The following OPLAH variants were observed in gnomAD, a reference collection of about 807,000 sequenced individuals.
OPLAH encodes 5-oxoprolinase, ATP-hydrolysing, also known as 5-oxoprolinase.
Under a neutral mutation model 122.8 loss-of-function variants are expected in OPLAH, and 103 were observed. The ratio of observed to expected loss-of-function variants is 0.84; its 90% CI spans 0.71 to 0.99. The LOEUF is 0.99. Ranked by LOEUF, OPLAH falls within the 50% of genes least tolerant of loss-of-function variation. The pLI, the probability that OPLAH is intolerant of heterozygous loss-of-function variation, is 0.00. For missense variants in OPLAH, 1,902 were observed against 1,836.5 expected, an observed-to-expected ratio of 1.04 and a Z score of -0.65; for synonymous variants, 875 against 796.0, an observed-to-expected ratio of 1.10 and a Z score of -1.67.
intron 21 of OPLAH, 35 bp from the exon 22 acceptor site, chr8:144,052,935 G>C (rs781963855): frequency 1.0e-5 from 16 of 1,568,656 alleles, no homozygotes; most frequent in Middle Eastern, 1.7e-4. Context: ...GGCTGTCAGC[G>C]GCCGCACCGT....
At position 144,058,321 on chromosome 8, in the gene OPLAH, G is replaced by A; in HGVS notation, c.867C>T (p.Gly289=). 2 of 1,602,444 alleles carry A rather than the reference G, an allele frequency of 1.2e-6. No homozygotes were observed. Among genetic ancestry groups the A allele is most frequent in the Non-Finnish European group, 1.7e-6 (2 of 1,176,596 alleles). The part of the protein sequence containing the change: ...TFSGSSAVLS[G]PAGGVVGYSA... Reference sequence around the variant, plus strand: ...AGTAGCCCACCACGCCGCCGGCCGGGCCCGAGAGCACAGCACTGGAGCCGC... The same window carrying A: ...AGTAGCCCACCACGCCGCCGGCCGGACCCGAGAGCACAGCACTGGAGCCGC... Residue 289 remains glycine, a synonymous_variant, in exon 7 of 27, where the codon GGC becomes GGT. Coordinates refer to ENST00000618853, the MANE Select transcript of OPLAH (RefSeq NM_017570.5).
Position 144,052,282 on chromosome 8 carries a change from G to A in OPLAH, c.3348C>T (p.Tyr1116=), listed in dbSNP as rs1835400160. 2 of 1,534,950 alleles carry A rather than the reference G, an allele frequency of 1.3e-6. No homozygotes were observed. ...NVTLGNAHMG[Y]YETVAGGAGA... is the part of the protein sequence containing the mutation. ...CCGCGCCGCCCGCCACCGTCTCGTA[G>A]TAGCCCATGTGGGCGTTGCCCAGGG... The change falls in exon 24 of 27, where the codon TAC becomes TAT. Residue 1116 remains tyrosine, a synonymous_variant. Coordinates refer to ENST00000618853, the MANE Select transcript of OPLAH (RefSeq NM_017570.5).
rs782109932 is a variant in OPLAH, at chr8:144,052,938, C to A, written c.3019-38G>T. 1.9e-6 allele frequency: 3 copies of A among 1,570,452 alleles called. No individual in the cohort carries two copies. The South Asian group carries it at 3.5e-5, about 18-fold the overall frequency. On this transcript the variant is annotated intron_variant, in intron 21 of 26. Coordinates refer to ENST00000618853, the MANE Select transcript of OPLAH (RefSeq NM_017570.5). ...AGGGAAGGGAGAGGCTGTCAGCGGC[C>A]GCACCGTGCCCCTGCCGCCTAGAGG...
intron 19 of OPLAH, among the ~76,000 whole-genome samples, chr8:144,053,886 C>G (rs73717803): frequency 0.12 from 17,262 of 144,314 alleles, 3,435 homozygotes; most frequent in African/African-American, 0.42. Context: ...CAGTGCCAGG[C>G]CCTCCACCTC....
Position 144,057,645 on chromosome 8 carries a change from T to G in OPLAH, c.1225A>C (p.Ile409Leu). 2 of 1,605,044 alleles carry G rather than the reference T, an allele frequency of 1.2e-6. No homozygotes were observed. The highest frequency in any genetic ancestry group is 1.7e-6 in the Non-Finnish European group (2 of 1,175,604). Residue 409 changes from isoleucine (I) to leucine (L), a missense_variant, in exon 10 of 27, where the codon ATT (isoleucine) becomes CTT (leucine). This residue lies in a region of OPLAH where 1,726 missense variants were observed against 1,642.1 expected (regional missense o/e 1.05). Coordinates refer to ENST00000618853, the MANE Select transcript of OPLAH (RefSeq NM_017570.5). ...GGTTGGTTCTCTCCCGGCCCAAAAATGCAGGGGAAGGAGGCAGGCAGCAGG... is the reference window on the plus strand; with the variant it reads ...GGTTGGTTCTCTCCCGGCCCAAAAAGGCAGGGGAAGGAGGCAGGCAGCAGG... ...GRLLPASFPC[I>L]FGPGENQPLS...
chr8:144,060,083 A>T lies in OPLAH; in HGVS notation c.-51T>A. 3 of 1,574,474 alleles carry T rather than the reference A, an allele frequency of 1.9e-6. No individual in the cohort carries two copies. The South Asian group carries it at 3.4e-5, about 18-fold the overall frequency. ...AGCTCTTCAGCTGGTAGCCCTGGAA[A>T]AACTGGACGGAGGCGGGGTCAGCCC... is the stretch of plus-strand genomic sequence containing the variant. On this transcript the variant is annotated splice_region_variant and 5_prime_UTR_variant, in exon 2 of 27. Transcript: ENST00000618853.
Position 144,052,912 on chromosome 8 carries a change from G to C in OPLAH, c.3019-12C>G. 2.6e-6 allele frequency: 4 copies of C among 1,560,862 alleles called. No homozygotes were observed. The highest frequency in any genetic ancestry group is 1.4e-5 in the African/African-American group (1 of 73,618). ...AACACGGCGCTGCCCTGCGCGCCCC[G>C]AGGGAAGGGAGAGGCTGTCAGCGGC... On this transcript the variant is annotated splice_polypyrimidine_tract_variant and intron_variant, in intron 21 of 26. Coordinates refer to ENST00000618853, the MANE Select transcript of OPLAH (RefSeq NM_017570.5).
At chr8:144,059,146 G>A in intron 3 of OPLAH, 67 bp from the exon 4 acceptor site, 2 of 1,277,156 alleles carry the variant, frequency 1.6e-6, no homozygotes, top group South Asian at 2.6e-5. Context: ...CTGTGTGAGT[G>A]GGTGGTACAG....
rs2129797327 is a variant in OPLAH, at chr8:144,056,270, T to A, written c.1984-11A>T. On this transcript the variant is annotated splice_polypyrimidine_tract_variant and intron_variant, in intron 14 of 26. Transcript: ENST00000618853. ...GTAGCACTGGGTCATCTGCAGAGGGTGCGGGTGAGTACAGCGCCCGGGCCC... is the reference window on the plus strand; with the variant it reads ...GTAGCACTGGGTCATCTGCAGAGGGAGCGGGTGAGTACAGCGCCCGGGCCC... 1 of 1,607,906 alleles carries A rather than the reference T, an allele frequency of 6.2e-7. No homozygotes were observed. Among genetic ancestry groups the A allele is most frequent in the African/African-American group, 1.3e-5 (1 of 74,840 alleles).
rs1554757926 is a variant in OPLAH, at chr8:144,052,496, C to T, written c.3256G>A (p.Val1086Met). ...AAGGCCCCCAGGATGACATCCACCACGCGCTGCGACGTGAGCACGTTGCCG... is the reference window on the plus strand; with the variant it reads ...AAGGCCCCCAGGATGACATCCACCATGCGCTGCGACGTGAGCACGTTGCCG... The part of the protein sequence containing the change: ...VGGNVLTSQR[V>M]VDVILGAFGA... The change falls in exon 23 of 27, where the codon GTG becomes ATG. Residue 1086 changes from valine (V) to methionine (M), a missense_variant. By Grantham distance (21) the Val-to-Met change is conservative. This residue lies in a region of OPLAH where 1,726 missense variants were observed against 1,642.1 expected (regional missense o/e 1.05). Transcript: ENST00000618853. 2 of 1,568,248 alleles carry T rather than the reference C, an allele frequency of 1.3e-6. No individual in the cohort carries two copies. The highest frequency in any genetic ancestry group is 4.7e-5 in the East Asian group (2 of 42,942).
chr8:144,051,350 A>C lies in OPLAH; in HGVS notation c.3843T>G (p.Tyr1281Ter), dbSNP rs201482072. 1 of 1,611,250 alleles carries C rather than the reference A, an allele frequency of 6.2e-7. No homozygotes were observed. Residue 1281 changes from tyrosine (Y) to a stop codon, truncating the protein, a stop_gained, in exon 27 of 27, where the codon TAT (tyrosine) becomes TAG (stop). Transcript: ENST00000618853. LOFTEE classifies it high-confidence loss of function. ...AFPEHGSVYEYRRAQEAV is the reference protein window; with the variant it reads ...AFPEHGSVYE Reference sequence around the variant, plus strand: ...CTCACACGGCCTCCTGGGCCCGGCGATACTCATAGACGCTGCCGTGCTCGG... The same window carrying C: ...CTCACACGGCCTCCTGGGCCCGGCGCTACTCATAGACGCTGCCGTGCTCGG...
At chr8:144,054,466 A>G (rs1287214985) in intron 19 of OPLAH, 95 bp downstream of exon 19, 1 of 1,333,100 alleles carries the variant, frequency 7.5e-7, no homozygotes, top group African/African-American at 1.5e-5. Context: ...GCCTGGGCCT[A>G]TGGGCTGCAT....
At position 144,058,667 on chromosome 8, in the gene OPLAH, C is replaced by A; in HGVS notation, c.612G>T (p.Val204=). The A allele has an allele frequency of 6.3e-7, 1 of 1,594,720 alleles. No homozygotes were observed. The highest frequency in any genetic ancestry group is 8.5e-7 in the Non-Finnish European group (1 of 1,173,180). Residue 204 remains valine, a synonymous_variant, in exon 6 of 27, where the codon GTG becomes GTT. Coordinates refer to ENST00000618853, the MANE Select transcript of OPLAH (RefSeq NM_017570.5). ...SYTWAQHEQQ[V]GVLARELGFT... ...AGCCCAGCTCCCGGGCCAGCACACC[C>A]ACCTGCTGCTCATGCTGGGCCCACC...
At position 144,055,722 on chromosome 8, in the gene OPLAH, C is replaced by A; in HGVS notation, c.2248+66G>T. The stretch of plus-strand genomic sequence containing the variant: ...TTCTGCCTCTCCCTTTGGGCACAGC[C>A]CTGCCAGCTACCCCATGACACAGCC... On this transcript the variant is annotated intron_variant, in intron 16 of 26. Transcript: ENST00000618853. This position sits in a 1 kb window ranked among gnomAD's most constrained non-coding sequence, Gnocchi z 6.5. 1.4e-6 allele frequency: 2 copies of A among 1,425,266 alleles called. No homozygotes were observed. Among genetic ancestry groups the A allele is most frequent in the Non-Finnish European group, 1.8e-6 (2 of 1,085,794 alleles). 88.3% of individuals were successfully genotyped at this position (1,425,266 alleles called of 1,614,324 possible).
chr8:144,052,764 A>T lies in OPLAH; in HGVS notation c.3153+2T>A. 6.4e-7 allele frequency: 1 copy of T among 1,566,012 alleles called. No individual in the cohort carries two copies. Among genetic ancestry groups the T allele is most frequent in the Non-Finnish European group, 8.6e-7 (1 of 1,156,614 alleles). On this transcript the variant is annotated splice_donor_variant, in intron 22 of 26. Transcript: ENST00000618853. LOFTEE classifies it high-confidence loss of function. ...CCCCCTCGCGCACACACCCCTGCGA[A>T]CCTGGTTGAGTGGGATGTCGCGGCC...
chr8:144,050,373 GT>G, downstream of OPLAH: 1 of 983,210 alleles, frequency 1.0e-6, no homozygotes, highest in Non-Finnish European at 1.2e-6. Flanking sequence ...GGGCCGAGAA[GT>G]TTGAGGCCGA....
chr8:144,062,013 C>T (rs1304063828), upstream of OPLAH, among the ~76,000 whole-genome samples: 3 of 142,402 alleles, frequency 2.1e-5, no homozygotes, highest in Non-Finnish European at 3.0e-5. Context: ...AGTGAGACTC[C>T]GTCTCAAAAA....
chr8:144,050,476 G>C (rs541315316), downstream of OPLAH: 1 of 985,614 alleles, frequency 1.0e-6, no homozygotes, highest in African/African-American at 1.7e-5. Flanking sequence ...AGGAGAGGAG[G>C]GCGAGGAGGG....
In OPLAH at chr8:144,057,727, AG is replaced by A. The variant is rs1554759692; in HGVS notation, c.1157-15del. 1.4e-5 allele frequency: 23 copies of A among 1,609,666 alleles called. No homozygotes were observed. The highest frequency in any genetic ancestry group is 1.7e-5 in the Non-Finnish European group (20 of 1,178,100). On this transcript the variant is annotated splice_polypyrimidine_tract_variant and intron_variant, in intron 9 of 26. Transcript: ENST00000618853. ...TCACAGGGCCCCCTGGGAGGTGGAC[AG>A]GGTGTGGGGCTTGGGGGCTGGAGGC...
Sources: allele counts gnomAD v4.1 joint callset (sites outside exome capture counted in the v4.1 genomes callset), GRCh38; gene constraint gnomAD v4.1.1; regional missense constraint gnomAD v4.1.1; non-coding constraint Gnocchi (gnomAD v3.1); transcripts MANE v1.5; gene names NCBI Gene and HGNC (gene_info 2026-07-23, HGNC 2026-07-21).